The following PSPC1 variants were observed in gnomAD, a reference collection of about 807,000 sequenced individuals.
PSPC1 encodes paraspeckle protein 1.
Under a neutral mutation model 51.6 loss-of-function variants are expected in PSPC1, and 14 were observed. The ratio of observed to expected loss-of-function variants is 0.27; its 90% CI spans 0.18 to 0.42. PSPC1 has a LOEUF of 0.42. Ranked by LOEUF, PSPC1 falls within the 10% of genes least tolerant of loss-of-function variation. PSPC1 has a pLI of 1.00. For synonymous variants in PSPC1, 193 were observed against 231.9 expected, an observed-to-expected ratio of 0.83 and a Z score of 1.53; for missense variants, 406 against 701.1, an observed-to-expected ratio of 0.58 and a Z score of 4.75.
intron 6 of PSPC1, among the ~76,000 whole-genome samples, chr13:19,713,492 C>T (rs561017446): frequency 7.8e-6 from 1 of 128,230 alleles, no homozygotes; most frequent in South Asian, 2.4e-4. Context: ...TTGACGTTCA[C>T]GAGATACTTT....
At chr13:19,671,744 GA>G, downstream of PSPC1, 1 of 1,166,612 alleles carries the variant, frequency 8.6e-7, no homozygotes, top group Non-Finnish European at 1.3e-6. Flanking sequence ...CCAAATAATA[GA>G]AGCAAATCTT....
At chr13:19,725,658 G>A (rs1237130882) in intron 6 of PSPC1, among the ~76,000 whole-genome samples, 1 of 152,172 alleles carries the variant, frequency 6.6e-6, no homozygotes, top group African/African-American at 2.4e-5. Flanking sequence ...TAGGCAGCAT[G>A]TGAACTGAGC....
chr13:19,698,882 A>G (rs1466293760), downstream of PSPC1, among the ~76,000 whole-genome samples: 2 of 151,892 alleles, frequency 1.3e-5, no homozygotes, highest in Non-Finnish European at 2.9e-5. Flanking sequence ...GAAATAACAG[A>G]CTTCTGTTAT....
intron 2 of PSPC1, among the ~76,000 whole-genome samples, chr13:19,760,423 G>T (rs1398511551): frequency 6.6e-6 from 1 of 151,696 alleles, no homozygotes; most frequent in East Asian, 1.9e-4. Flanking sequence ...AGCTACTCAG[G>T]AGGCTGAGGT....
chr13:19,673,338 CTT>C (rs1424713280), downstream of PSPC1: 8 of 298,080 alleles, frequency 2.7e-5, no homozygotes, highest in Admixed American at 4.2e-5. Flanking sequence ...TTAATGAAAA[CTT>C]TTCAGAATTC....
At chr13:19,779,318 C>A (rs766813507) in intron 1 of PSPC1, among the ~76,000 whole-genome samples, 14 of 98,102 alleles carry the variant, frequency 1.4e-4, no homozygotes, top group African/African-American at 4.9e-4. Flanking sequence ...CCGCCCCATC[C>A]GGGAGGGACG....
intron 1 of PSPC1, among the ~76,000 whole-genome samples, chr13:19,776,119 T>C (rs1268892253): frequency 6.6e-6 from 1 of 152,074 alleles, no homozygotes. Flanking sequence ...ATAATATGTA[T>C]ATTTTGATAG....
intron 6 of PSPC1, among the ~76,000 whole-genome samples, chr13:19,711,121 G>A (rs147502438): frequency 2.0e-3 from 298 of 152,198 alleles, no homozygotes; most frequent in African/African-American, 6.8e-3. Flanking sequence ...GATTACAAAC[G>A]TGAACCGCAA....
chr13:19,713,793 G>A (rs1881748959), intron 6 of PSPC1, among the ~76,000 whole-genome samples: 2 of 152,118 alleles, frequency 1.3e-5, no homozygotes, highest in Admixed American at 1.3e-4. Context: ...TTCTTAACGT[G>A]TAGGTCATGG....
In PSPC1 at chr13:19,777,374, G is replaced by A. The variant is rs544077222; in HGVS notation, c.373-4831C>T. On this transcript the variant is annotated intron_variant, in intron 1 of 8. Transcript: ENST00000338910. ...TAGTCCAGGAGGCGGGGGTTGCAGT[G>A]AGCCAAGATCACACCGCTGCACTCC... Among the ~76,000 whole-genome samples the A allele has an allele frequency of 7.8e-4, 108 of 138,212 alleles. 1 individual carries two copies. The highest frequency in any genetic ancestry group is 2.8e-3 in the African/African-American group (101 of 36,066). 90.7% of individuals were successfully genotyped at this position (138,212 alleles called of 152,430 possible). A position where few individuals can be genotyped will look rare whatever the true frequency, so the allele number is the denominator to read the frequency against.
chr13:19,678,656 C>T (rs1201871631), intron 6 of PSPC1: 9 of 152,166 alleles, frequency 5.9e-5, no homozygotes, highest in African/African-American at 2.2e-4. Flanking sequence ...TATGCAGAAA[C>T]TGTAGACAAG....
intron 6 of PSPC1, among the ~76,000 whole-genome samples, chr13:19,693,519 C>T (rs890220666): frequency 2.8e-4 from 42 of 152,040 alleles, no homozygotes; most frequent in Non-Finnish European, 1.5e-4. Context: ...TACTAAATGA[C>T]GGATATTCTA....
chr13:19,699,609 T>A (rs186399573), downstream of PSPC1, among the ~76,000 whole-genome samples: 54 of 152,170 alleles, frequency 3.5e-4, no homozygotes, highest in African/African-American at 1.3e-3. Context: ...AAGAAATGAA[T>A]CTTCATCAGT....
intron 6 of PSPC1, among the ~76,000 whole-genome samples, chr13:19,724,730 T>C (rs910092332): frequency 6.6e-5 from 10 of 152,102 alleles, no homozygotes; most frequent in Non-Finnish European, 5.9e-5. Flanking sequence ...CCGGGCGTGG[T>C]GGCTCATACA....
At chr13:19,769,538 G>A (rs978847329) in intron 2 of PSPC1, among the ~76,000 whole-genome samples, 2 of 149,948 alleles carry the variant, frequency 1.3e-5, no homozygotes, top group African/African-American at 4.9e-5. Flanking sequence ...GGGGGACAGA[G>A]CGAGACTCCG....
At chr13:19,729,434 G>A (rs1297431179) in intron 6 of PSPC1, among the ~76,000 whole-genome samples, 1 of 151,804 alleles carries the variant, frequency 6.6e-6, no homozygotes, top group African/African-American at 2.4e-5. Context: ...CTACTTGGGA[G>A]ACTGAGGCAG....
intron 5 of PSPC1, among the ~76,000 whole-genome samples, chr13:19,732,339 G>A (rs1032690130): frequency 2.0e-5 from 3 of 152,054 alleles, no homozygotes; most frequent in Non-Finnish European, 4.4e-5. Flanking sequence ...GGGTGGCGAT[G>A]GGAAGATCCA....
intron 4 of PSPC1, 67 bp downstream of exon 4, chr13:19,751,204 A>C: frequency 1.5e-6 from 2 of 1,311,192 alleles, no homozygotes; most frequent in Non-Finnish European, 2.0e-6. Context: ...ACAGTAGTAC[A>C]TGAATGGTAC....
chr13:19,759,557 T>G (rs1250139851), intron 2 of PSPC1, 139 bp from the exon 3 acceptor site: 2 of 660,364 alleles, frequency 3.0e-6, no homozygotes, highest in Non-Finnish European at 5.1e-6. Context: ...AAGTATCATT[T>G]GTACTCATAA....
Sources: allele counts gnomAD v4.1 joint callset (sites outside exome capture counted in the v4.1 genomes callset), GRCh38; gene constraint gnomAD v4.1.1; transcripts MANE v1.5; gene names NCBI Gene and HGNC (gene_info 2026-07-23, HGNC 2026-07-21).